Variants in CACNA2D3 observed in about 807,000 individuals in gnomAD.
CACNA2D3 encodes calcium voltage-gated channel auxiliary subunit alpha2delta 3.
In CACNA2D3, 60 loss-of-function variants were observed where a neutral mutation model predicts 160.6. The ratio of observed to expected loss-of-function variants is 0.37; its 90% CI spans 0.30 to 0.46. The LOEUF is 0.46. Among genes scored for constraint, CACNA2D3 ranks in the 20% least tolerant of loss-of-function variants. The pLI is 1.00. For missense variants in CACNA2D3, 1,205 were observed against 1,365.0 expected, an observed-to-expected ratio of 0.88 and a Z score of 1.85; for synonymous variants, 558 against 492.9, an observed-to-expected ratio of 1.13 and a Z score of -1.75.
intron 31 of CACNA2D3, among the ~76,000 whole-genome samples, chr3:54,990,408 A>G (rs913433355): frequency 6.6e-6 from 1 of 152,252 alleles, no homozygotes; most frequent in Non-Finnish European, 1.5e-5. Context: ...GTGTGTGCCC[A>G]TAATCCTAGC....
intron 35 of CACNA2D3, among the ~76,000 whole-genome samples, chr3:55,072,678 G>T (rs940839514): frequency 3.3e-5 from 5 of 152,166 alleles, no homozygotes; most frequent in Admixed American, 6.5e-5. Context: ...TCCCTCATTT[G>T]TTCCTCCAAA....
intron 2 of CACNA2D3, among the ~76,000 whole-genome samples, chr3:54,134,155 T>C (rs963829640): frequency 3.3e-5 from 5 of 152,222 alleles, no homozygotes; most frequent in Non-Finnish European, 4.4e-5. Context: ...GCCACAGCCC[T>C]GGACTCACTA....
chr3:54,838,158 T>C (rs1432615283), intron 15 of CACNA2D3, among the ~76,000 whole-genome samples: 1 of 152,238 alleles, frequency 6.6e-6, no homozygotes, highest in Non-Finnish European at 1.5e-5. Context: ...GGGCACCAGA[T>C]GGCAGTGTAA....
chr3:54,611,308 C>T (rs60940645), intron 9 of CACNA2D3, among the ~76,000 whole-genome samples: 10,427 of 152,204 alleles, frequency 0.069, 1,182 homozygotes, highest in African/African-American at 0.24. Flanking sequence ...CTTTCTCAGA[C>T]GGTATTTCTG....
chr3:54,717,725 G>GGT (rs370029148), intron 11 of CACNA2D3, among the ~76,000 whole-genome samples: 1 of 137,788 alleles, frequency 7.3e-6, no homozygotes, highest in African/African-American at 2.7e-5. Context: ...GTGCGTGTGC[G>GGT]GTGTGTGTGT....
rs1310370067 is a variant in CACNA2D3 at position 54,556,296 on chromosome 3, G to GGA, written c.545-6493_545-6492dup. Among the ~76,000 whole-genome samples the GGA allele has an allele frequency of 5.3e-5, 8 of 152,184 alleles. No individual in the cohort carries two copies. In the South Asian group the frequency reaches 1.7e-3, roughly 32 times the overall value. On this transcript the variant is annotated intron_variant, in intron 5 of 37. Transcript: ENST00000474759. ...CAATGACCAGTCCTTCTGAGACAAAGGAGAGAGAGAGATTTGACACAGAGA... is the reference window on the plus strand; with the variant it reads ...CAATGACCAGTCCTTCTGAGACAAAGGAGAGAGAGAGAGATTTGACACAGAGA...
intron 4 of CACNA2D3, among the ~76,000 whole-genome samples, chr3:54,443,486 G>A (rs1700174324): frequency 6.6e-6 from 1 of 152,218 alleles, no homozygotes; most frequent in Admixed American, 6.5e-5. Flanking sequence ...GTCCATAGCT[G>A]TTAATTCTTT....
At chr3:54,889,408 C>A (rs1194979623) in intron 24 of CACNA2D3, among the ~76,000 whole-genome samples, 1 of 152,098 alleles carries the variant, frequency 6.6e-6, no homozygotes, top group African/African-American at 2.4e-5. Flanking sequence ...GGGCAGTGGG[C>A]ACAGAGAGAA....
At chr3:54,437,024 A>G (rs1436322682) in intron 4 of CACNA2D3, among the ~76,000 whole-genome samples, 1 of 152,232 alleles carries the variant, frequency 6.6e-6, no homozygotes, top group Non-Finnish European at 1.5e-5. Context: ...AGTAGGCTCC[A>G]ATAAATTATG....
intron 4 of CACNA2D3, among the ~76,000 whole-genome samples, chr3:54,497,732 G>GT (rs554629019): frequency 3.2e-4 from 48 of 151,980 alleles, no homozygotes; most frequent in Non-Finnish European, 5.0e-4. Context: ...TCAGATACAT[G>GT]TTTTTTTGTA....
At chr3:54,648,827 TAA>T (rs1265271351) in intron 11 of CACNA2D3, among the ~76,000 whole-genome samples, 2 of 151,348 alleles carry the variant, frequency 1.3e-5, no homozygotes, top group Non-Finnish European at 2.9e-5. Flanking sequence ...GAGGAGGAGG[TAA>T]GAGAGAGAAA....
intron 5 of CACNA2D3, among the ~76,000 whole-genome samples, chr3:54,534,122 C>T (rs1036542921): frequency 2.0e-5 from 3 of 152,094 alleles, no homozygotes; most frequent in Admixed American, 1.3e-4. Context: ...TCCAGGCTGC[C>T]GTCTTCTCTC....
intron 31 of CACNA2D3, among the ~76,000 whole-genome samples, chr3:54,993,885 A>AGTGTGTGTGTGTGTGT (rs34012508): frequency 2.7e-5 from 3 of 111,508 alleles, no homozygotes; most frequent in African/African-American, 1.0e-4. Context: ...TGCAACTGCT[A>AGTGTGTGTGTGTGTGT]GTGTGTGTGT....
At chr3:54,844,620 C>T (rs1268720075) in intron 16 of CACNA2D3, among the ~76,000 whole-genome samples, 1 of 152,158 alleles carries the variant, frequency 6.6e-6, no homozygotes, top group Non-Finnish European at 1.5e-5. Context: ...CACGATAGGA[C>T]CTTTGCCCTC....
intron 11 of CACNA2D3, among the ~76,000 whole-genome samples, chr3:54,720,469 T>C (rs1701148663): frequency 6.6e-6 from 1 of 152,104 alleles, no homozygotes; most frequent in Non-Finnish European, 1.5e-5. Context: ...CCTTCTATAT[T>C]ATGTCCATCC....
intron 13 of CACNA2D3, among the ~76,000 whole-genome samples, chr3:54,787,739 A>G (rs1702668781): frequency 6.6e-6 from 1 of 152,210 alleles, no homozygotes; most frequent in East Asian, 1.9e-4. Context: ...GATAAGGATT[A>G]TTTAGTAAAG....
At chr3:54,132,114 A>G (rs1699723495) in intron 2 of CACNA2D3, among the ~76,000 whole-genome samples, 1 of 152,352 alleles carries the variant, frequency 6.6e-6, no homozygotes, top group South Asian at 2.1e-4. Flanking sequence ...TTAGTGCAAT[A>G]TGACTGCGTC....
intron 21 of CACNA2D3, among the ~76,000 whole-genome samples, chr3:54,883,829 T>TCTCTCTCTCTAC: frequency 6.9e-6 from 1 of 145,704 alleles, no homozygotes; most frequent in Non-Finnish European, 1.5e-5. Flanking sequence ...CTCTCCTCTC[T>TCTCTCTCTCTAC]CTCCCTTCAA....
chr3:54,544,209 A>G (rs1702026439), intron 5 of CACNA2D3, among the ~76,000 whole-genome samples: 1 of 152,208 alleles, frequency 6.6e-6, no homozygotes, highest in Non-Finnish European at 1.5e-5. Flanking sequence ...ATACATTTAG[A>G]GAGTGAATAT....
Sources: gnomAD v4.1 joint callset for allele counts (sites outside exome capture counted in the v4.1 genomes callset) on GRCh38, gnomAD v4.1.1 for gene constraint, MANE v1.5 for transcripts, NCBI Gene and HGNC (gene_info 2026-07-23, HGNC 2026-07-21) for gene names.